CADPS2: variants seen among roughly 807,000 people sequenced by gnomAD.
CADPS2 encodes calcium-dependent secretion activator 2.
In CADPS2, 93 loss-of-function variants were observed where a neutral mutation model predicts 172.5. The ratio of observed to expected loss-of-function variants is 0.54; its 90% confidence interval spans 0.46 to 0.64. CADPS2 has a LOEUF of 0.64. Ranked by LOEUF, CADPS2 falls within the 30% of genes least tolerant of loss-of-function variation. CADPS2 has a pLI of 0.00. For missense variants in CADPS2, 1,420 were observed against 1,565.9 expected (o/e 0.91, Z 1.57); for synonymous variants, 546 against 555.2 (o/e 0.98, Z 0.23).
intron 25 of CADPS2, among the ~76,000 whole-genome samples, chr7:122,373,326 C>T (rs1428696121): frequency 6.6e-6 from 1 of 152,138 alleles, no homozygotes; most frequent in Non-Finnish European, 1.5e-5. Flanking sequence ...TCCTTCCCCT[C>T]TTCCCAAACT....
intron 1 of CADPS2, among the ~76,000 whole-genome samples, chr7:122,745,960 T>C (rs1305296548): frequency 2.0e-5 from 3 of 152,084 alleles, no homozygotes; most frequent in Admixed American, 2.0e-4. Flanking sequence ...ACTACTTCTG[T>C]TTTTATCCAA....
intron 7 of CADPS2, among the ~76,000 whole-genome samples, chr7:122,568,802 G>A (rs1477811630): frequency 1.3e-5 from 2 of 152,110 alleles, no homozygotes; most frequent in Non-Finnish European, 2.9e-5. Context: ...ACAGCACCAA[G>A]AACCTGAGCC....
At chr7:122,541,511 TTG>T (rs1186142384) in intron 8 of CADPS2, among the ~76,000 whole-genome samples, 2 of 108,110 alleles carry the variant, frequency 1.8e-5, no homozygotes, top group African/African-American at 7.1e-5. Context: ...CAGCCAATTT[TTG>T]TTTTTTTTTT....
intron 17 of CADPS2, among the ~76,000 whole-genome samples, chr7:122,428,593 G>A (rs1293185866): frequency 1.3e-5 from 2 of 150,952 alleles, no homozygotes; most frequent in Non-Finnish European, 2.9e-5. Flanking sequence ...TCAGCCTCCC[G>A]AGTAGCTGGG....
intron 1 of CADPS2, among the ~76,000 whole-genome samples, chr7:122,877,746 C>A (rs1053743512): frequency 3.3e-4 from 50 of 152,174 alleles, no homozygotes; most frequent in Middle Eastern, 3.4e-3. Context: ...GTAAAAATAT[C>A]ATTGTTTCCC....
At chr7:122,833,018 A>C (rs528901620) in intron 1 of CADPS2, among the ~76,000 whole-genome samples, 1 of 152,224 alleles carries the variant, frequency 6.6e-6, no homozygotes, top group Non-Finnish European at 1.5e-5. Flanking sequence ...TTTCCTATGA[A>C]AAATTGTGAG....
At chr7:122,809,044 C>T (rs1799420157) in intron 1 of CADPS2, among the ~76,000 whole-genome samples, 1 of 152,134 alleles carries the variant, frequency 6.6e-6, no homozygotes, top group Non-Finnish European at 1.5e-5. Context: ...TCTGTATCCC[C>T]TTGTTACCAA....
intron 2 of CADPS2, chr7:122,697,966 T>G: frequency 6.2e-7 from 1 of 1,613,626 alleles, no homozygotes; most frequent in Non-Finnish European, 8.5e-7. Context: ...CATTAGAACT[T>G]GCAAAGGTTC....
At chr7:122,321,718 G>A (rs117757538) in intron 29 of CADPS2, among the ~76,000 whole-genome samples, 2,345 of 152,268 alleles carry the variant, frequency 0.015, 29 homozygotes, top group Non-Finnish European at 0.024. Context: ...GAACTCAGGT[G>A]ATCCGCCCAC....
chr7:122,675,287 A>C (rs1193614487), intron 2 of CADPS2, among the ~76,000 whole-genome samples: 1 of 152,186 alleles, frequency 6.6e-6, no homozygotes, highest in Admixed American at 6.5e-5. Flanking sequence ...CATTCTGACT[A>C]TGCTGTCCAA....
intron 22 of CADPS2, 115 bp downstream of exon 22, chr7:122,393,081 G>T: frequency 6.3e-6 from 7 of 1,111,764 alleles, no homozygotes; most frequent in East Asian, 2.7e-5. Flanking sequence ...AAAAAAAACA[G>T]TATTCCTCAA....
At chr7:122,526,366 T>C (rs932603832) in intron 8 of CADPS2, among the ~76,000 whole-genome samples, 1 of 151,944 alleles carries the variant, frequency 6.6e-6, no homozygotes, top group Non-Finnish European at 1.5e-5. Context: ...TAATTTTTCG[T>C]ATTTTTAGTA....
chr7:122,773,341 T>C (rs2093762944), intron 1 of CADPS2, among the ~76,000 whole-genome samples: 1 of 152,016 alleles, frequency 6.6e-6, no homozygotes, highest in Admixed American at 6.6e-5. Flanking sequence ...TTTTCTATAA[T>C]AAATCAATCT....
chr7:122,386,346 A>G, intron 24 of CADPS2: 2 of 1,327,688 alleles, frequency 1.5e-6, no homozygotes, highest in Non-Finnish European at 2.0e-6. Context: ...AAAGATGATG[A>G]AAGAGAACAG....
At chr7:122,551,693 G>T (rs1587171436) in intron 8 of CADPS2, among the ~76,000 whole-genome samples, 2 of 151,990 alleles carry the variant, frequency 1.3e-5, no homozygotes, top group Admixed American at 6.6e-5. Context: ...ACAGGAGTTT[G>T]CTATATTTTA....
At chr7:122,678,381 C>T (rs191631347) in intron 2 of CADPS2, among the ~76,000 whole-genome samples, 12 of 152,308 alleles carry the variant, frequency 7.9e-5, no homozygotes, top group Admixed American at 3.9e-4. Context: ...CTCACTGAGA[C>T]TGTGCTATAA....
intron 6 of CADPS2, among the ~76,000 whole-genome samples, chr7:122,601,518 G>A (rs770180735): frequency 1.3e-5 from 2 of 151,802 alleles, no homozygotes; most frequent in Non-Finnish European, 1.5e-5. Context: ...CCACCACTGC[G>A]ATTTCTCTGG....
chr7:122,810,339 C>G (rs990726367), intron 1 of CADPS2, among the ~76,000 whole-genome samples: 2 of 152,116 alleles, frequency 1.3e-5, no homozygotes, highest in African/African-American at 4.8e-5. Context: ...TTAGTGCACA[C>G]AGAATTTGTC....
intron 2 of CADPS2, among the ~76,000 whole-genome samples, chr7:122,700,360 A>G (rs1273521458): frequency 6.6e-6 from 1 of 152,224 alleles, no homozygotes; most frequent in Non-Finnish European, 1.5e-5. Flanking sequence ...CTATGGGCCA[A>G]CAAAAACTAG....
Sources: allele counts gnomAD v4.1 joint callset (sites outside exome capture counted in the v4.1 genomes callset), GRCh38; gene constraint gnomAD v4.1.1; transcripts MANE v1.5; gene names NCBI Gene and HGNC (gene_info 2026-07-23, HGNC 2026-07-21).